CDH13: variants seen among roughly 807,000 people sequenced by gnomAD.
CDH13 encodes cadherin 13.
CDH13 carries 24 observed loss-of-function variants against 63.8 expected under a neutral mutation model. The observed-to-expected ratio is 0.38, with a 90% CI of 0.27 to 0.53. The LOEUF is 0.53. Among genes scored for constraint, CDH13 ranks in the 20% least tolerant of loss-of-function variants. The probability of loss-of-function intolerance (pLI) is 0.85; values close to 1 mark genes in which losing one functional copy is unlikely to be tolerated. For missense variants in CDH13, 1,049 were observed against 903.1 expected (o/e 1.16, Z -2.07); for synonymous variants, 503 against 355.3 (o/e 1.42, Z -4.67).
At chr16:83,075,430 C>T (rs1362545670) in intron 3 of CDH13, among the ~76,000 whole-genome samples, 2 of 152,202 alleles carry the variant, frequency 1.3e-5, no homozygotes, top group Admixed American at 1.3e-4. Flanking sequence ...AGTCATTTTC[C>T]TGTCTTAACC....
At chr16:83,191,504 T>TATATATATATATGCACATATATATATAG (rs1555510518) in intron 4 of CDH13, among the ~76,000 whole-genome samples, 1 of 93,812 alleles carries the variant, frequency 1.1e-5, no homozygotes, top group Admixed American at 1.5e-4. Context: ...TATATATATA[T>TATATATATATATGCACATATATATATAG]ACACACACAC....
At chr16:83,752,059 A>G (rs949414283) in intron 11 of CDH13, among the ~76,000 whole-genome samples, 3 of 152,244 alleles carry the variant, frequency 2.0e-5, no homozygotes, top group Non-Finnish European at 2.9e-5. Context: ...ATAAGCCAAG[A>G]TTGTTTAAAA....
At chr16:83,661,820 G>C (rs1913470294) in intron 8 of CDH13, among the ~76,000 whole-genome samples, 1 of 152,206 alleles carries the variant, frequency 6.6e-6, no homozygotes, top group South Asian at 2.1e-4. Context: ...CATAGGAAAT[G>C]AATCAGAGAA....
intron 1 of CDH13, among the ~76,000 whole-genome samples, chr16:82,679,580 C>T (rs756386312): frequency 8.5e-5 from 13 of 152,186 alleles, no homozygotes; most frequent in Non-Finnish European, 1.6e-4. Flanking sequence ...TACATATGAA[C>T]TCACTCACGC....
rs1349826719 is a variant in CDH13, at chr16:83,250,920, C to G, written c.636+33423C>G. Among the ~76,000 whole-genome samples the G allele has an allele frequency of 2.6e-5, 4 of 151,848 alleles. No homozygotes were observed. The East Asian group carries it at 7.8e-4, about 29-fold the overall frequency. ...TGTTATGCAAACATGAAGTATTGAA[C>G]TATATGGAAGTATTTATCTGTTTAA... On this transcript the variant is annotated intron_variant, in intron 5 of 13. Coordinates refer to ENST00000567109, the MANE Select transcript of CDH13 (RefSeq NM_001257.5).
intron 3 of CDH13, among the ~76,000 whole-genome samples, chr16:83,091,985 T>C (rs2033934883): frequency 6.6e-6 from 1 of 152,246 alleles, no homozygotes; most frequent in Non-Finnish European, 1.5e-5. Context: ...CTAGAAATTT[T>C]TTTCTGTGCA....
intron 4 of CDH13, among the ~76,000 whole-genome samples, chr16:83,194,949 T>C (rs2038834631): frequency 2.0e-5 from 3 of 152,212 alleles, no homozygotes. Context: ...CACCATGAAA[T>C]TTTAAAGCGA....
chr16:83,452,225 G>A (rs1361470466), intron 6 of CDH13, among the ~76,000 whole-genome samples: 5 of 152,218 alleles, frequency 3.3e-5, no homozygotes, highest in African/African-American at 2.4e-5. Flanking sequence ...ACAGTCGGTA[G>A]TATGTCAGCA....
intron 1 of CDH13, among the ~76,000 whole-genome samples, chr16:82,782,566 A>T (rs2035811842): frequency 6.8e-6 from 1 of 146,252 alleles, no homozygotes; most frequent in South Asian, 2.2e-4. Context: ...AAAAAAAAAA[A>T]TAATAATAAA....
chr16:83,685,564 T>A (rs1904299349), intron 10 of CDH13, among the ~76,000 whole-genome samples: 1 of 152,128 alleles, frequency 6.6e-6, no homozygotes, highest in Non-Finnish European at 1.5e-5. Context: ...AAAGAAATAG[T>A]CTCTGTCTGC....
intron 1 of CDH13, among the ~76,000 whole-genome samples, chr16:82,728,877 A>C (rs888784543): frequency 1.3e-5 from 2 of 152,156 alleles, no homozygotes; most frequent in East Asian, 3.9e-4. Context: ...TGCTTTGTCA[A>C]CTGGTTTAGG....
At chr16:83,002,249 G>T (rs1385093032) in intron 2 of CDH13, among the ~76,000 whole-genome samples, 2 of 152,210 alleles carry the variant, frequency 1.3e-5, no homozygotes, top group Admixed American at 1.3e-4. Flanking sequence ...CCATTGACAT[G>T]TGTGCTTTTA....
At chr16:83,708,434 C>G (rs769185778) in intron 10 of CDH13, among the ~76,000 whole-genome samples, 58 of 152,276 alleles carry the variant, frequency 3.8e-4, no homozygotes, top group African/African-American at 1.4e-3. Flanking sequence ...ACTGAAATTC[C>G]CCAACGCCCT....
At chr16:82,947,325 G>A (rs762674168) in intron 2 of CDH13, among the ~76,000 whole-genome samples, 1 of 152,036 alleles carries the variant, frequency 6.6e-6, no homozygotes. Context: ...GTGACCAAGA[G>A]TGTGTACCCA....
chr16:83,190,873 G>A (rs2038675724), intron 4 of CDH13, among the ~76,000 whole-genome samples: 1 of 152,034 alleles, frequency 6.6e-6, no homozygotes, highest in South Asian at 2.1e-4. Context: ...TAATTGCTAA[G>A]CAATTGATTG....
At chr16:83,010,132 T>C (rs1015288373) in intron 2 of CDH13, among the ~76,000 whole-genome samples, 7 of 20,270 alleles carry the variant, frequency 3.5e-4, no homozygotes, top group Admixed American at 1.4e-3. Context: ...CAAAACTCTG[T>C]CTCAAAAAAA....
intron 3 of CDH13, among the ~76,000 whole-genome samples, chr16:83,082,775 T>C (rs948830610): frequency 6.6e-6 from 1 of 152,192 alleles, no homozygotes; most frequent in African/African-American, 2.4e-5. Flanking sequence ...AGATTTGGCA[T>C]AAGAAAAACC....
At chr16:83,575,686 G>A (rs1905041638) in intron 7 of CDH13, among the ~76,000 whole-genome samples, 2 of 152,132 alleles carry the variant, frequency 1.3e-5, no homozygotes, top group African/African-American at 4.8e-5. Flanking sequence ...TCAACCATCA[G>A]TCTCTTGAGA....
In CDH13 at chr16:83,424,645, C is replaced by T. The variant is rs560624520; in HGVS notation, c.782-61832C>T. Reference sequence around the variant, plus strand: ...CAAAAATAAAAAGGAAGAAATTACACATTTTCATAAATGGTTTTGCAAGAA... The same window carrying T: ...CAAAAATAAAAAGGAAGAAATTACATATTTTCATAAATGGTTTTGCAAGAA... On this transcript the variant is annotated intron_variant, in intron 6 of 13. Coordinates refer to ENST00000567109, the MANE Select transcript of CDH13 (RefSeq NM_001257.5). 3.3e-5 allele frequency among the ~76,000 whole-genome samples: 5 copies of T among 152,310 alleles called. No individual in the cohort carries two copies. In the South Asian group the frequency reaches 1.0e-3, roughly 32 times the overall value.
Sources: gnomAD v4.1 joint callset for allele counts (sites outside exome capture counted in the v4.1 genomes callset) on GRCh38, gnomAD v4.1.1 for gene constraint, MANE v1.5 for transcripts, NCBI Gene and HGNC (gene_info 2026-07-23, HGNC 2026-07-21) for gene names.